GAS7: variants seen among roughly 807,000 people sequenced by gnomAD.
GAS7 encodes the protein growth arrest-specific protein 7.
In GAS7, 28 loss-of-function variants were observed where a neutral mutation model predicts 71.1. The ratio of observed to expected loss-of-function variants is 0.39; its 90% CI spans 0.29 to 0.54. The LOEUF is 0.54. Among genes scored for constraint, GAS7 ranks in the 20% least tolerant of loss-of-function variants. The pLI is 0.62. For synonymous variants in GAS7, 258 were observed against 245.8 expected, an observed-to-expected ratio of 1.05 and a Z score of -0.46; for missense variants, 436 against 627.8, an observed-to-expected ratio of 0.69 and a Z score of 3.27.
At chr17:10,112,361 G>A (rs2073821527) in intron 1 of GAS7, among the ~76,000 whole-genome samples, 1 of 152,326 alleles carries the variant, frequency 6.6e-6, no homozygotes, top group African/African-American at 2.4e-5. Context: ...ACAAGAGGAA[G>A]ACTCAGGCAG....
chr17:10,095,020 G>A (rs987200425), intron 1 of GAS7, among the ~76,000 whole-genome samples: 4 of 151,718 alleles, frequency 2.6e-5, no homozygotes, highest in African/African-American at 9.7e-5. Flanking sequence ...ATCTTTCCAC[G>A]CGGCCTTTAA....
At chr17:10,126,602 T>C (rs867345273) in intron 1 of GAS7, among the ~76,000 whole-genome samples, 5 of 150,978 alleles carry the variant, frequency 3.3e-5, no homozygotes, top group African/African-American at 1.2e-4. Flanking sequence ...ACACACACGC[T>C]CACACACATG....
At chr17:10,137,389 C>A (rs540387034) in intron 1 of GAS7, among the ~76,000 whole-genome samples, 1 of 151,876 alleles carries the variant, frequency 6.6e-6, no homozygotes. Context: ...CTCTCCCCCA[C>A]TTTATTTATC....
chr17:10,087,961 C>T (rs1038438395), intron 1 of GAS7, among the ~76,000 whole-genome samples: 1 of 152,118 alleles, frequency 6.6e-6, no homozygotes, highest in East Asian at 1.9e-4. Context: ...CACTAGGGTG[C>T]TACACAATTT....
intron 2 of GAS7, among the ~76,000 whole-genome samples, chr17:10,019,168 T>C (rs913697556): frequency 9.9e-5 from 15 of 152,138 alleles, no homozygotes; most frequent in African/African-American, 2.9e-4. Context: ...TTGGGGTCAT[T>C]GAGGTGTGGT....
At chr17:10,041,478 A>C (rs952229992) in intron 1 of GAS7, among the ~76,000 whole-genome samples, 2 of 152,212 alleles carry the variant, frequency 1.3e-5, no homozygotes, top group African/African-American at 4.8e-5. Context: ...AGCCAAGGGC[A>C]AGGGACCTTT....
At chr17:10,101,580 G>A (rs988745038) in intron 1 of GAS7, among the ~76,000 whole-genome samples, 5 of 152,176 alleles carry the variant, frequency 3.3e-5, no homozygotes, top group East Asian at 1.9e-4. Flanking sequence ...ACAGCCACAC[G>A]CCTGTGGGCT....
chr17:10,126,495 TAC>T (rs1311569556), intron 1 of GAS7, among the ~76,000 whole-genome samples: 2 of 146,534 alleles, frequency 1.4e-5, no homozygotes, highest in Non-Finnish European at 3.0e-5. Context: ...CCCACTCACA[TAC>T]ACACAAACAC....
At chr17:10,056,111 A>G (rs2073132841) in intron 1 of GAS7, among the ~76,000 whole-genome samples, 1 of 152,118 alleles carries the variant, frequency 6.6e-6, no homozygotes, top group East Asian at 1.9e-4. Flanking sequence ...GCAGTGGTTG[A>G]TATCTATAAT....
chr17:9,994,073 AAGAAT>A (rs1363543152), intron 2 of GAS7, among the ~76,000 whole-genome samples: 1 of 145,714 alleles, frequency 6.9e-6, no homozygotes, highest in Non-Finnish European at 1.5e-5. Flanking sequence ...CATGGGTAGG[AAGAAT>A]CAATATCGTG....
At chr17:9,950,834 T>C (rs2005819) in intron 5 of GAS7, among the ~76,000 whole-genome samples, 77,183 of 150,980 alleles carry the variant, frequency 0.51, 22,001 homozygotes, top group African/African-American at 0.78. Flanking sequence ...CCAGCCTGGG[T>C]GACAGGGCGA....
chr17:10,111,976 C>G (rs972881019), intron 1 of GAS7, among the ~76,000 whole-genome samples: 1 of 152,220 alleles, frequency 6.6e-6, no homozygotes, highest in Non-Finnish European at 1.5e-5. Flanking sequence ...CATACAGCCC[C>G]TCAATATAAA....
chr17:10,089,987 G>A (rs966256930), intron 1 of GAS7, among the ~76,000 whole-genome samples: 1 of 152,104 alleles, frequency 6.6e-6, no homozygotes, highest in African/African-American at 2.4e-5. Context: ...GGCCAACATG[G>A]TGAAACCCTG....
chr17:10,121,134 A>G (rs1485017197), intron 1 of GAS7, among the ~76,000 whole-genome samples: 1 of 152,160 alleles, frequency 6.6e-6, no homozygotes, highest in Non-Finnish European at 1.5e-5. Flanking sequence ...TAATCCCAGC[A>G]CTTTGCGAGG....
At chr17:10,037,924 G>T (rs534340098) in intron 1 of GAS7, among the ~76,000 whole-genome samples, 15 of 152,132 alleles carry the variant, frequency 9.9e-5, no homozygotes, top group African/African-American at 2.7e-4. Flanking sequence ...ATGAGCAAAA[G>T]ATATTCCTCC....
At chr17:10,002,873 G>A (rs11867915) in intron 2 of GAS7, among the ~76,000 whole-genome samples, 35,938 of 152,022 alleles carry the variant, frequency 0.24, 6,496 homozygotes, top group African/African-American at 0.51. Flanking sequence ...ATAAACATAC[G>A]TGTGCATGTG....
chr17:9,984,954 C>T (rs1029848036), intron 2 of GAS7, among the ~76,000 whole-genome samples: 3 of 152,124 alleles, frequency 2.0e-5, no homozygotes, highest in Admixed American at 6.5e-5. Flanking sequence ...GCCTGGAGGC[C>T]GCACTGTTGC....
At chr17:9,964,568 A>G (rs1207083909) in intron 4 of GAS7, among the ~76,000 whole-genome samples, 1 of 152,174 alleles carries the variant, frequency 6.6e-6, no homozygotes. Context: ...TCCCCTGGAA[A>G]GCTATTCTTT....
At chr17:9,982,861 G>GAAAGAAAGAAAGAAAGAAAGC (rs1555611388) in intron 2 of GAS7, among the ~76,000 whole-genome samples, 1 of 144,098 alleles carries the variant, frequency 6.9e-6, no homozygotes, top group Middle Eastern at 3.6e-3. Context: ...AAGAAAGAAA[G>GAAAGAAAGAAAGAAAGAAAGC]AAAGAAAGCA....
Sources: gnomAD v4.1 joint callset for allele counts (sites outside exome capture counted in the v4.1 genomes callset) on GRCh38, gnomAD v4.1.1 for gene constraint, MANE v1.5 for transcripts, NCBI Gene and HGNC (gene_info 2026-07-23, HGNC 2026-07-21) for gene names.